SIRPB1: variants seen among roughly 807,000 people sequenced by gnomAD.
The protein encoded by SIRPB1 is signal-regulatory protein beta-1.
SIRPB1 carries 28 observed loss-of-function variants against 34.1 expected under a neutral mutation model. The observed-to-expected ratio is 0.82, with a 90% CI of 0.61 to 1.12. The LOEUF is 1.12. SIRPB1 is among the 50% of genes most tolerant of loss of function. The probability of loss-of-function intolerance (pLI) is 0.00; values close to 1 mark genes in which losing one functional copy is unlikely to be tolerated. For missense variants in SIRPB1, 499 were observed against 507.0 expected (o/e 0.98, Z 0.15); for synonymous variants, 211 against 203.8 (o/e 1.04, Z -0.30).
chr20:1,578,612 G>A lies in SIRPB1; in HGVS notation c.159C>T (p.Arg53=), dbSNP rs745782650. 3 of 1,584,224 alleles carry A rather than the reference G, an allele frequency of 1.9e-6. No homozygotes were observed. In the South Asian group the frequency reaches 3.3e-5, roughly 18 times the overall value. The change falls in exon 2 of 6, where the codon CGC becomes CGT. Residue 53 remains arginine (R), a synonymous_variant. Transcript: ENST00000381605. ...SVAAGESATL[R]CAMTSLIPVG... The stretch of plus-strand genomic sequence containing the variant: ...CAGGGATCAGGGACGTCATAGCACA[G>A]CGCAGAGTGGCCGACTCTCCAGCTG...
Position 1,563,037 on chromosome 20 carries a change from G to C in SIRPB1, c.*2463C>G, listed in dbSNP as rs2091092809. Among the ~76,000 whole-genome samples, 1 of 152,272 alleles carries C rather than the reference G, an allele frequency of 6.6e-6. No homozygotes were observed. The highest frequency in any genetic ancestry group is 1.9e-4 in the East Asian group (1 of 5,190). On this transcript the variant is annotated 3_prime_UTR_variant, in exon 6 of 6. Coordinates refer to ENST00000381605, the MANE Select transcript of SIRPB1 (RefSeq NM_006065.5). ...AACTGCCACAAATGGGAGAGGAGTGGTAATAAAAGGGCTGAAGATGTCCCA... is the reference window on the plus strand; with the variant it reads ...AACTGCCACAAATGGGAGAGGAGTGCTAATAAAAGGGCTGAAGATGTCCCA...
chr20:1,599,961 C>T lies in SIRPB1; in HGVS notation c.76+19908G>A, dbSNP rs981709148. Among the ~76,000 whole-genome samples, 4 of 50,296 alleles carry T rather than the reference C, an allele frequency of 8.0e-5. 2 individuals carry two copies. Among genetic ancestry groups the T allele is most frequent in the Admixed American group, 2.6e-4 (2 of 7,636 alleles). The allele number at this position is 50,296 out of a possible 152,430, so 33.0% of individuals were successfully genotyped here. On this transcript the variant is annotated intron_variant, in intron 1 of 5. Transcript: ENST00000381605. ...TCACTTTTTTTTGTATCAGACCTCG[C>T]GCTCCTTGATTGGATTCTACATGCA...
chr20:1,616,827 A>T (rs1254810194), intron 1 of SIRPB1, among the ~76,000 whole-genome samples: 1 of 152,258 alleles, frequency 6.6e-6, no homozygotes, highest in Non-Finnish European at 1.5e-5. Context: ...TACAAAATAT[A>T]TAAGGAAGTG....
At chr20:1,568,824 A>G (rs1205683221) in intron 4 of SIRPB1, among the ~76,000 whole-genome samples, 1 of 152,200 alleles carries the variant, frequency 6.6e-6, no homozygotes, top group African/African-American at 2.4e-5. Flanking sequence ...ATTTAAAAAA[A>G]AAAAGAGAGA....
Position 1,592,352 on chromosome 20 carries a change from TGTATTTTA to T in SIRPB1, c.77-13666_77-13659del, listed in dbSNP as rs1244324763. On this transcript the variant is annotated intron_variant, in intron 1 of 5. Transcript: ENST00000381605. ...CCCACCATCATGCCCAGCTAATTTT[TGTATTTTA>T]GTAGAGCTGGGGTTTCACCATGTTG... Among the ~76,000 whole-genome samples the T allele has an allele frequency of 4.2e-5, 2 of 48,044 alleles. 1 individual carries two copies. Among genetic ancestry groups the T allele is most frequent in the Admixed American group, 2.8e-4 (2 of 7,166 alleles). 31.5% of individuals were successfully genotyped at this position (48,044 alleles called of 152,430 possible).
Position 1,617,362 on chromosome 20 carries a change from G to T in SIRPB1, c.76+2507C>A, listed in dbSNP as rs115132313. Among the ~76,000 whole-genome samples, 535 of 152,254 alleles carry T rather than the reference G, an allele frequency of 3.5e-3. 3 individuals carry two copies. Among genetic ancestry groups the T allele is most frequent in the African/African-American group, 0.012 (509 of 41,552 alleles). ...TGGAATTCTAATCAGCCTGACCAAAGAAGGAAATCCTATCATTTCCAACAA... is the reference window on the plus strand; with the variant it reads ...TGGAATTCTAATCAGCCTGACCAAATAAGGAAATCCTATCATTTCCAACAA... On this transcript the variant is annotated intron_variant, in intron 1 of 5. Transcript: ENST00000381605.
In SIRPB1 at chr20:1,594,633, G is replaced by A. The variant is rs1288287368; in HGVS notation, c.77-15939C>T. 4.2e-5 allele frequency among the ~76,000 whole-genome samples: 2 copies of A among 48,054 alleles called. 1 individual carries two copies. Among genetic ancestry groups the A allele is most frequent in the Non-Finnish European group, 8.0e-5 (2 of 25,126 alleles). The allele number at this position is 48,054 out of a possible 152,430, so 31.5% of individuals were successfully genotyped here. A position where few individuals can be genotyped will look rare whatever the true frequency, so the allele number is the denominator to read the frequency against. ...CCAGAAGACTAAAGATTAGGCCTGTGGGCTTAGGATTAAAACTTCCTAGTC... is the reference window on the plus strand; with the variant it reads ...CCAGAAGACTAAAGATTAGGCCTGTAGGCTTAGGATTAAAACTTCCTAGTC... On this transcript the variant is annotated intron_variant, in intron 1 of 5. Transcript: ENST00000381605.
At position 1,577,004 on chromosome 20, in the gene SIRPB1, T is replaced by C. The variant is rs1463489776; in HGVS notation, c.433+1334A>G. 2.7e-5 allele frequency among the ~76,000 whole-genome samples: 4 copies of C among 148,190 alleles called. 1 individual carries two copies. The highest frequency in any genetic ancestry group is 4.5e-5 in the Non-Finnish European group (3 of 66,196). On this transcript the variant is annotated intron_variant, in intron 2 of 5. Coordinates refer to ENST00000381605, the MANE Select transcript of SIRPB1 (RefSeq NM_006065.5). ...GAAGACTGTAAAATAAATTTTGGTA[T>C]TTCCATAAATTGGAGTATTTTTCAG...
chr20:1,562,115 C>CGCCT lies in SIRPB1; in HGVS notation c.*3381_*3384dup, dbSNP rs1180460184. Among the ~76,000 whole-genome samples the CGCCT allele has an allele frequency of 1.3e-5, 2 of 152,068 alleles. No homozygotes were observed. The highest frequency in any genetic ancestry group is 2.9e-5 in the Non-Finnish European group (2 of 68,012). ...TGGGAGCTCTTTCAGTTGGTTCCTGCGCCTCTTTGATGTACTCCAGTCACT... is the reference window on the plus strand; with the variant it reads ...TGGGAGCTCTTTCAGTTGGTTCCTGCGCCTGCCTCTTTGATGTACTCCAGTCACT... On this transcript the variant is annotated 3_prime_UTR_variant, in exon 6 of 6. Transcript: ENST00000381605.
intron 1 of SIRPB1, among the ~76,000 whole-genome samples, chr20:1,613,443 T>A (rs1381961547): frequency 8.6e-6 from 1 of 116,050 alleles, no homozygotes; most frequent in African/African-American, 3.7e-5. Flanking sequence ...GATATTAAAA[T>A]CACTGCCTTA....
chr20:1,615,223 C>G (rs1332671846), intron 1 of SIRPB1, among the ~76,000 whole-genome samples: 2 of 152,188 alleles, frequency 1.3e-5, no homozygotes, highest in Non-Finnish European at 2.9e-5. Flanking sequence ...TTGGCTGTGT[C>G]TTTCATGCCT....
chr20:1,569,965 C>G (rs1335482729), intron 4 of SIRPB1, among the ~76,000 whole-genome samples: 1 of 152,190 alleles, frequency 6.6e-6, no homozygotes, highest in Non-Finnish European at 1.5e-5. Flanking sequence ...GTCCTTGGGA[C>G]AAAGCGCAGC....
intron 4 of SIRPB1, among the ~76,000 whole-genome samples, chr20:1,568,268 C>T (rs1407186916): frequency 6.6e-6 from 1 of 152,200 alleles, no homozygotes; most frequent in African/African-American, 2.4e-5. Context: ...CAAAAGGGAA[C>T]ACTCACCTAA....
intron 2 of SIRPB1, among the ~76,000 whole-genome samples, chr20:1,577,500 A>G (rs1348745523): frequency 3.4e-5 from 5 of 147,654 alleles, no homozygotes; most frequent in Non-Finnish European, 1.5e-5. Flanking sequence ...GAAACCCCAC[A>G]TAAGCATTGT....
rs1431858896 is a variant in SIRPB1 at position 1,600,168 on chromosome 20, G to T, written c.76+19701C>A. The stretch of plus-strand genomic sequence containing the variant: ...GAAAACACCCTGGCATGACTGTCAT[G>T]CTTGGGAGGGACTCAGACATCAAGC... On this transcript the variant is annotated intron_variant, in intron 1 of 5. Coordinates refer to ENST00000381605, the MANE Select transcript of SIRPB1 (RefSeq NM_006065.5). Among the ~76,000 whole-genome samples the T allele has an allele frequency of 4.1e-5, 2 of 49,280 alleles. 1 individual carries two copies. Among genetic ancestry groups the T allele is most frequent in the East Asian group, 1.2e-3 (2 of 1,712 alleles). 32.3% of individuals were successfully genotyped at this position (49,280 alleles called of 152,430 possible).
In SIRPB1 at chr20:1,571,079, G is replaced by A. The variant is rs756757331; in HGVS notation, c.810C>T (p.Val270=). The A allele has an allele frequency of 5.6e-6, 9 of 1,614,172 alleles. No individual in the cohort carries two copies. Among genetic ancestry groups the A allele is most frequent in the South Asian group, 1.1e-5 (1 of 91,086 alleles). Residue 270 remains valine, a synonymous_variant, in exon 4 of 6, where the codon GTC becomes GTT. Transcript: ENST00000381605. ...QPMRAENQAN[V]TCQVSNFYPR... is the part of the protein sequence containing the mutation. ...GGTAGAAATTGCTCACCTGGCAGGT[G>A]ACGTTTGCCTGGTTCTCTGCCCTCA...
At chr20:1,616,141 AC>A (rs2091626395) in intron 1 of SIRPB1, among the ~76,000 whole-genome samples, 1 of 152,116 alleles carries the variant, frequency 6.6e-6, no homozygotes, top group Non-Finnish European at 1.5e-5. Context: ...TATACATACT[AC>A]CCAAAGAGAT....
chr20:1,598,500 C>G lies in SIRPB1; in HGVS notation c.77-19806G>C, dbSNP rs1458230514. 4.1e-5 allele frequency among the ~76,000 whole-genome samples: 2 copies of G among 48,854 alleles called. 1 individual carries two copies. The highest frequency in any genetic ancestry group is 7.9e-5 in the Non-Finnish European group (2 of 25,308). 32.1% of individuals were successfully genotyped at this position (48,854 alleles called of 152,430 possible). A position where few individuals can be genotyped will look rare whatever the true frequency, so the allele number is the denominator to read the frequency against. ...TCAGCATCAAATAATCTAGAGATGG[C>G]CTGCAAGGGACCACCCACTCAGTAG... On this transcript the variant is annotated intron_variant, in intron 1 of 5. Coordinates refer to ENST00000381605, the MANE Select transcript of SIRPB1 (RefSeq NM_006065.5).
Position 1,606,739 on chromosome 20 carries a change from A to G in SIRPB1, c.76+13130T>C, listed in dbSNP as rs1178537669. 8.1e-5 allele frequency among the ~76,000 whole-genome samples: 4 copies of G among 49,480 alleles called. 1 individual carries two copies. Among genetic ancestry groups the G allele is most frequent in the Admixed American group, 1.4e-4 (1 of 7,220 alleles). The allele number at this position is 49,480 out of a possible 152,430, so 32.5% of individuals were successfully genotyped here. ...CTCTCAACACTTCAATCCTCCCTCT[A>G]TTTGTCAGAGGGGGTCCTCATGTGA... On this transcript the variant is annotated intron_variant, in intron 1 of 5. Transcript: ENST00000381605.
Sources: allele counts gnomAD v4.1 joint callset (sites outside exome capture counted in the v4.1 genomes callset), GRCh38; gene constraint gnomAD v4.1.1; transcripts MANE v1.5; gene names NCBI Gene and HGNC (gene_info 2026-07-23, HGNC 2026-07-21).